Variants in DMD observed in about 807,000 individuals in gnomAD.
DMD encodes the protein mutant dystrophin.
Under a neutral mutation model 330.1 loss-of-function variants are expected in DMD, and 63 were observed. That is an observed-to-expected ratio of 0.19 (90% CI 0.16 to 0.24). The LOEUF is 0.24. Ranked by LOEUF, DMD falls within the 10% of genes least tolerant of loss-of-function variation. The pLI is 1.00. For synonymous variants in DMD, 1,223 were observed against 959.8 expected, an observed-to-expected ratio of 1.27 and a Z score of -5.07; for missense variants, 3,344 against 2,684.1, an observed-to-expected ratio of 1.25 and a Z score of -5.43.
intron 7 of DMD, among the ~76,000 whole-genome samples, chrX:32,771,073 C>G (rs1327547469): frequency 9.0e-6 from 1 of 111,648 alleles, no homozygotes; most frequent in Non-Finnish European, 1.9e-5. Flanking sequence ...GCACTTGACT[C>G]CCAATGAGCC....
chrX:32,336,660 A>G (rs999724343), intron 41 of DMD, among the ~76,000 whole-genome samples: 15 of 111,975 alleles, frequency 1.3e-4, no homozygotes, highest in African/African-American at 4.9e-4. Context: ...AAACATTTAT[A>G]ACAGAAACTA....
At chrX:33,150,586 C>T (rs1283802900) in intron 1 of DMD, among the ~76,000 whole-genome samples, 1 of 109,737 alleles carries the variant, frequency 9.1e-6, no homozygotes, top group African/African-American at 3.3e-5. Flanking sequence ...GGAGCCACTG[C>T]GCCTGGCCAG....
chrX:32,406,932 C>T (rs2098119931), intron 30 of DMD, among the ~76,000 whole-genome samples: 1 of 111,242 alleles, frequency 9.0e-6, no homozygotes, highest in Admixed American at 9.6e-5. Context: ...ATGTAGAAAG[C>T]TGAAACTGGA....
At chrX:33,174,490 T>G (rs1355468752) in intron 1 of DMD, among the ~76,000 whole-genome samples, 2 of 111,908 alleles carry the variant, frequency 1.8e-5, no homozygotes, top group Non-Finnish European at 3.8e-5. Context: ...AAAATTGGAC[T>G]GCATTGGTCT....
In DMD at chrX:31,992,361, A is replaced by C. The variant is rs2095556616; in HGVS notation, c.6439-23847T>G. On this transcript the variant is annotated intron_variant, in intron 44 of 78. Coordinates refer to ENST00000357033, the MANE Select transcript of DMD (RefSeq NM_004006.3). ...GAAGCAAGAAATCAGAGTTGTGAAG[A>C]GATATGTTAAAATTAGGGCATTGCC... Among the ~76,000 whole-genome samples, 3 of 111,575 alleles carry C rather than the reference A, an allele frequency of 2.7e-5. No individual in the cohort carries two copies. The South Asian group carries it at 1.1e-3, about 42-fold the overall frequency.
intron 59 of DMD, among the ~76,000 whole-genome samples, chrX:31,450,845 G>A (rs188384511): frequency 2.2e-3 from 243 of 111,846 alleles, no homozygotes; most frequent in African/African-American, 7.5e-3. Context: ...TGTACCCCTG[G>A]TGGTTTTAAG....
chrX:32,484,703 T>G (rs142880026), intron 21 of DMD, among the ~76,000 whole-genome samples: 134 of 112,315 alleles, frequency 1.2e-3, no homozygotes, highest in African/African-American at 4.1e-3. Context: ...ATACAAAACA[T>G]GTTTTGTTTC....
chrX:33,119,606 G>A (rs1048274895), intron 1 of DMD, among the ~76,000 whole-genome samples: 6 of 111,875 alleles, frequency 5.4e-5, no homozygotes, highest in Admixed American at 1.9e-4. Flanking sequence ...AATGCAGCAA[G>A]ACTGCAGAAG....
intron 50 of DMD, among the ~76,000 whole-genome samples, chrX:31,801,014 C>T (rs1182017326): frequency 1.8e-5 from 2 of 111,811 alleles, no homozygotes; most frequent in Non-Finnish European, 3.8e-5. Flanking sequence ...GTGCCTCTTA[C>T]CCAGTTCCAA....
chrX:32,331,591 T>C (rs959984678), intron 41 of DMD, among the ~76,000 whole-genome samples: 21 of 111,634 alleles, frequency 1.9e-4, no homozygotes, highest in African/African-American at 6.8e-4. Context: ...TTTTCTTATG[T>C]TTATTAATAT....
At position 31,197,835 on chromosome X, in the gene DMD, C is replaced by A. The variant is rs1478702860; in HGVS notation, c.9807+6126G>T. On this transcript the variant is annotated intron_variant, in intron 67 of 78. Coordinates refer to ENST00000357033, the MANE Select transcript of DMD (RefSeq NM_004006.3). ...CACAATAGCCAAGATATAGAATCAA[C>A]CTAAGCGCCCATCAGTGGATGAATG... Among the ~76,000 whole-genome samples the A allele has an allele frequency of 2.7e-5, 3 of 110,994 alleles. No individual in the cohort carries two copies. In the East Asian group the frequency reaches 8.4e-4, roughly 31 times the overall value.
At chrX:31,206,899 A>G (rs2044128577) in intron 65 of DMD, among the ~76,000 whole-genome samples, 1 of 111,274 alleles carries the variant, frequency 9.0e-6, no homozygotes, top group African/African-American at 3.3e-5. Context: ...TGACCACTGA[A>G]TGTTTACCAA....
chrX:31,222,716 G>GA (rs1293265068), intron 64 of DMD, among the ~76,000 whole-genome samples: 26 of 107,693 alleles, frequency 2.4e-4, no homozygotes, highest in African/African-American at 7.4e-4. Flanking sequence ...TTTGTAAAAA[G>GA]AAAAAAAAAC....
intron 1 of DMD, among the ~76,000 whole-genome samples, chrX:33,194,638 A>C (rs755495500): frequency 9.0e-6 from 1 of 111,168 alleles, no homozygotes; most frequent in Non-Finnish European, 1.9e-5. Context: ...ATATTAAAGA[A>C]AAAGTTACTA....
intron 41 of DMD, among the ~76,000 whole-genome samples, chrX:32,335,570 T>C (rs1028448164): frequency 8.6e-5 from 4 of 46,334 alleles, no homozygotes; most frequent in Non-Finnish European, 1.3e-4. Context: ...ATATAACATG[T>C]TATATACATA....
At chrX:31,779,264 T>G (rs972197303) in intron 50 of DMD, among the ~76,000 whole-genome samples, 1 of 112,094 alleles carries the variant, frequency 8.9e-6, no homozygotes, top group Non-Finnish European at 1.9e-5. Flanking sequence ...TCTCCTGTTG[T>G]CATCCCTAAG....
chrX:32,620,485 T>G (rs1421779365), intron 11 of DMD, among the ~76,000 whole-genome samples: 2 of 112,509 alleles, frequency 1.8e-5, no homozygotes, highest in African/African-American at 6.5e-5. Context: ...GAGACACATT[T>G]ACCATGAGGA....
At chrX:31,787,026 A>G (rs1455542350) in intron 50 of DMD, among the ~76,000 whole-genome samples, 1 of 112,436 alleles carries the variant, frequency 8.9e-6, no homozygotes, top group Non-Finnish European at 1.9e-5. Context: ...TTTGTTTTTA[A>G]TACATAGAAG....
chrX:33,193,042 C>A (rs1170820133), intron 1 of DMD, among the ~76,000 whole-genome samples: 1 of 112,031 alleles, frequency 8.9e-6, no homozygotes, highest in Non-Finnish European at 1.9e-5. Context: ...TGTGGTGGCT[C>A]ACACCTATAA....
Sources: gnomAD v4.1 joint callset for allele counts (sites outside exome capture counted in the v4.1 genomes callset) on GRCh38, gnomAD v4.1.1 for gene constraint, MANE v1.5 for transcripts, NCBI Gene and HGNC (gene_info 2026-07-23, HGNC 2026-07-21) for gene names.